Variants in TTC39C observed in about 807,000 individuals in gnomAD.
The protein encoded by TTC39C is tetratricopeptide repeat protein 39C.
A neutral mutation model predicts 76.3 loss-of-function variants in TTC39C; 33 were observed. The ratio of observed to expected loss-of-function variants is 0.43; its 90% CI spans 0.33 to 0.58. The LOEUF is 0.58. Among genes scored for constraint, TTC39C ranks in the 20% least tolerant of loss-of-function variants. The pLI, the probability that TTC39C is intolerant of heterozygous loss-of-function variation, is 0.04. For missense variants in TTC39C, 595 were observed against 701.4 expected, an observed-to-expected ratio of 0.85 and a Z score of 1.71; for synonymous variants, 254 against 260.6, an observed-to-expected ratio of 0.97 and a Z score of 0.24.
chr18:24,062,129 G>A (rs554637617), intron 1 of TTC39C, among the ~76,000 whole-genome samples: 2 of 152,286 alleles, frequency 1.3e-5, no homozygotes, highest in Admixed American at 1.3e-4. Context: ...TAAGATGGTA[G>A]GTGAAGTCGA....
chr18:24,029,394 C>T (rs958207203), intron 1 of TTC39C, among the ~76,000 whole-genome samples: 2 of 152,128 alleles, frequency 1.3e-5, no homozygotes, highest in Non-Finnish European at 2.9e-5. Context: ...GAGCCACCAA[C>T]GTGGCCAGAT....
intron 1 of TTC39C, among the ~76,000 whole-genome samples, chr18:24,021,881 G>T (rs2083521985): frequency 6.6e-6 from 1 of 152,156 alleles, no homozygotes; most frequent in African/African-American, 2.4e-5. Flanking sequence ...TAAAAAGTCT[G>T]TGTTCACAGA....
intron 2 of TTC39C, among the ~76,000 whole-genome samples, chr18:24,064,389 A>T (rs2084140640): frequency 6.6e-6 from 1 of 152,196 alleles, no homozygotes. Context: ...CTTACATCTT[A>T]TTTATAGGGT....
At chr18:23,998,600 ACT>A (rs1178800607) in intron 1 of TTC39C, among the ~76,000 whole-genome samples, 2 of 152,136 alleles carry the variant, frequency 1.3e-5, no homozygotes, top group Non-Finnish European at 2.9e-5. Flanking sequence ...ACAGAGCAAG[ACT>A]CTGTCTCAAA....
chr18:24,020,129 G>A, intron 1 of TTC39C: 2 of 1,264,612 alleles, frequency 1.6e-6, no homozygotes, highest in Non-Finnish European at 2.0e-6. Flanking sequence ...GAAATGAAAA[G>A]CAGAAATGGT....
At chr18:24,092,106 A>T (rs1225686449) in intron 6 of TTC39C, among the ~76,000 whole-genome samples, 2 of 131,980 alleles carry the variant, frequency 1.5e-5, no homozygotes, top group African/African-American at 5.1e-5. Flanking sequence ...AAAAAAAAAA[A>T]AAAAAAAAAA....
At chr18:24,100,665 G>A (rs188463123) in intron 6 of TTC39C, among the ~76,000 whole-genome samples, 2 of 152,314 alleles carry the variant, frequency 1.3e-5, no homozygotes, top group African/African-American at 4.8e-5. Flanking sequence ...AGAGAACATT[G>A]GACTAGAAGT....
chr18:24,116,831 T>TG (rs1247286049), intron 7 of TTC39C, among the ~76,000 whole-genome samples: 3 of 146,720 alleles, frequency 2.0e-5, no homozygotes, highest in South Asian at 2.2e-4. Context: ...TTTTTTTTTT[T>TG]TTTTTTTTTT....
upstream of TTC39C, among the ~76,000 whole-genome samples, chr18:24,012,119 T>C (rs1166996467): frequency 6.6e-6 from 1 of 152,176 alleles, no homozygotes; most frequent in Admixed American, 6.5e-5. Context: ...CAACTACAGC[T>C]GCCACAAGTA....
intron 2 of TTC39C, among the ~76,000 whole-genome samples, chr18:24,064,574 G>A (rs954089315): frequency 1.3e-5 from 2 of 152,158 alleles, no homozygotes; most frequent in Non-Finnish European, 2.9e-5. Context: ...GCTAAAATTC[G>A]TCAGTTTGTA....
chr18:24,097,279 G>C (rs1479339579), intron 6 of TTC39C, among the ~76,000 whole-genome samples: 1 of 152,174 alleles, frequency 6.6e-6, no homozygotes, highest in Non-Finnish European at 1.5e-5. Flanking sequence ...CATCACCTTT[G>C]CTCTTGCTGT....
chr18:24,017,039 C>T (rs2083462215), intron 1 of TTC39C, among the ~76,000 whole-genome samples: 1 of 152,190 alleles, frequency 6.6e-6, no homozygotes, highest in South Asian at 2.1e-4. Flanking sequence ...TACCATTCTG[C>T]TTCCCTCACT....
At chr18:24,122,121 G>A (rs149279584) in intron 8 of TTC39C, among the ~76,000 whole-genome samples, 156 of 152,206 alleles carry the variant, frequency 1.0e-3, no homozygotes, top group African/African-American at 3.5e-3. Context: ...GGGCTCTGCC[G>A]ATGGTAGCCT....
chr18:24,001,470 C>G (rs1376904543), intron 1 of TTC39C: 1 of 152,236 alleles, frequency 6.6e-6, no homozygotes, highest in Non-Finnish European at 1.5e-5. Flanking sequence ...ACTGTCTCTC[C>G]CATCTCCTTT....
At chr18:24,110,994 C>CT (rs146269943) in intron 6 of TTC39C, among the ~76,000 whole-genome samples, 26,963 of 144,004 alleles carry the variant, frequency 0.19, 2,735 homozygotes, top group Admixed American at 0.25. Flanking sequence ...CAGAGAAAGA[C>CT]TTTTTTTTTT....
intron 1 of TTC39C, among the ~76,000 whole-genome samples, chr18:24,028,895 G>A (rs1458920420): frequency 6.6e-6 from 1 of 151,870 alleles, no homozygotes; most frequent in East Asian, 1.9e-4. Flanking sequence ...GCTAATTTTT[G>A]TATTTTTAGT....
intron 6 of TTC39C, among the ~76,000 whole-genome samples, chr18:24,093,504 G>A (rs2084552888): frequency 6.6e-6 from 1 of 151,350 alleles, no homozygotes; most frequent in Non-Finnish European, 1.5e-5. Context: ...AGTATTGAGA[G>A]TGTGCATTTT....
At chr18:23,995,556 A>T (rs1450789131) in intron 1 of TTC39C, among the ~76,000 whole-genome samples, 1 of 152,180 alleles carries the variant, frequency 6.6e-6, no homozygotes, top group Non-Finnish European at 1.5e-5. Flanking sequence ...AGATCCATCT[A>T]GGTCGTATGA....
At chr18:24,030,426 G>C (rs1463336004) in intron 1 of TTC39C, among the ~76,000 whole-genome samples, 1 of 152,120 alleles carries the variant, frequency 6.6e-6, no homozygotes, top group Non-Finnish European at 1.5e-5. Flanking sequence ...AGCAATAAAT[G>C]AATATGAATT....
Sources: allele counts gnomAD v4.1 joint callset (sites outside exome capture counted in the v4.1 genomes callset), GRCh38; gene constraint gnomAD v4.1.1; transcripts MANE v1.5; gene names NCBI Gene and HGNC (gene_info 2026-07-23, HGNC 2026-07-21).